The following IBA57 variants were observed in gnomAD, a reference collection of about 807,000 sequenced individuals.
The protein encoded by IBA57 is iron-sulfur cluster assembly factor IBA57.
A neutral mutation model predicts 20.4 loss-of-function variants in IBA57; 20 were observed. That is an observed-to-expected ratio of 0.98 (90% CI 0.69 to 1.42). IBA57 has a LOEUF of 1.42. Among genes scored for constraint, IBA57 ranks in the 40% most tolerant of loss-of-function variants. IBA57 has a pLI of 0.00. For missense variants in IBA57, 608 were observed against 499.3 expected (o/e 1.22, Z -2.07); for synonymous variants, 310 against 233.9 (o/e 1.33, Z -2.97).
rs2035005100 is a variant in IBA57, at chr1:228,175,567, G to A, written c.*54G>A. 1.3e-6 allele frequency: 2 copies of A among 1,515,558 alleles called. No homozygotes were observed. Among genetic ancestry groups the A allele is most frequent in the African/African-American group, 1.4e-5 (1 of 71,988 alleles). 93.9% of individuals were successfully genotyped at this position (1,515,558 alleles called of 1,614,324 possible). A position where few individuals can be genotyped will look rare whatever the true frequency, so the allele number is the denominator to read the frequency against. ...GGGGAGGCTGGGGCCTGGGGCCTTT[G>A]GCCTCTGTCCAGGGTCTTCCCGTCC... On this transcript the variant is annotated 3_prime_UTR_variant, in exon 3 of 3. Transcript: ENST00000366711.
In IBA57 at chr1:228,180,219, C is replaced by G. The variant is rs1461501615; in HGVS notation, c.*4706C>G. ...ACGCATTTTCATACCACGAAACTGC[C>G]CTCACTCCGGAGTTTGCTGCCAGCA... On this transcript the variant is annotated 3_prime_UTR_variant, in exon 3 of 3. Transcript: ENST00000366711. The G allele has an allele frequency of 6.6e-6, 1 of 151,314 alleles. No homozygotes were observed. The highest frequency in any genetic ancestry group is 1.5e-5 in the Non-Finnish European group (1 of 67,960). The allele number at this position is 151,314 out of a possible 1,614,324, so 9.4% of individuals were successfully genotyped here.
rs1436390082 is a variant in IBA57, at chr1:228,178,459, T to G, written c.*2946T>G. 6.6e-6 allele frequency: 1 copy of G among 151,332 alleles called. No individual in the cohort carries two copies. The highest frequency in any genetic ancestry group is 1.5e-5 in the Non-Finnish European group (1 of 68,034). The allele number at this position is 151,332 out of a possible 1,614,324, so 9.4% of individuals were successfully genotyped here. On this transcript the variant is annotated 3_prime_UTR_variant, in exon 3 of 3. Coordinates refer to ENST00000366711, the MANE Select transcript of IBA57 (RefSeq NM_001010867.4). ...AGCCAGGCATGGTGGTCCACACCTG[T>G]GGTCCCACCTATTCGGGAGGCTGAA...
intron 1 of IBA57, among the ~76,000 whole-genome samples, chr1:228,167,415 G>C (rs2034868428): frequency 6.7e-6 from 1 of 149,732 alleles, no homozygotes; most frequent in Non-Finnish European, 1.5e-5. Context: ...GGAGTGCAAT[G>C]GCACAATCTT....
rs2035078919 is a variant in IBA57, at chr1:228,179,797, ATATCT to A, written c.*4286_*4290del. The A allele has an allele frequency of 6.6e-6, 1 of 152,240 alleles. No homozygotes were observed. Among genetic ancestry groups the A allele is most frequent in the South Asian group, 2.1e-4 (1 of 4,832 alleles). 9.4% of individuals were successfully genotyped at this position (152,240 alleles called of 1,614,324 possible). A position where few individuals can be genotyped will look rare whatever the true frequency, so the allele number is the denominator to read the frequency against. On this transcript the variant is annotated 3_prime_UTR_variant, in exon 3 of 3. Coordinates refer to ENST00000366711, the MANE Select transcript of IBA57 (RefSeq NM_001010867.4). The stretch of plus-strand genomic sequence containing the variant: ...GTGGAAGCCAGAAAGATAGTAAATA[ATATCT>A]TCAAAGTCCTGGGAGAAAATAGTGA...
chr1:228,167,358 T>C (rs1316725149), intron 1 of IBA57, among the ~76,000 whole-genome samples: 4 of 89,014 alleles, frequency 4.5e-5, no homozygotes, highest in African/African-American at 1.6e-4. Flanking sequence ...GGGGCTTCTT[T>C]TTTTTTTTTT....
Position 228,170,385 on chromosome 1 carries a change from T to G in IBA57, c.341+4228T>G, listed in dbSNP as rs952505452. ...TCTCGCTCCATTGCCCAGGCTGGAG[T>G]GCAGTGGCACAGTTGTAGCTCACTG... On this transcript the variant is annotated intron_variant, in intron 1 of 2. Coordinates refer to ENST00000366711, the MANE Select transcript of IBA57 (RefSeq NM_001010867.4). This position sits in a 1 kb window ranked among gnomAD's most constrained non-coding sequence, Gnocchi z 4.8. Among the ~76,000 whole-genome samples the G allele has an allele frequency of 2.0e-5, 3 of 152,082 alleles. No homozygotes were observed. The highest frequency in any genetic ancestry group is 7.2e-5 in the African/African-American group (3 of 41,416).
At position 228,171,894 on chromosome 1, in the gene IBA57, C is replaced by G. The variant is rs189375973; in HGVS notation, c.342-2798C>G. ...ACATCTGTCCCTCTGCCCGGGTCCC[C>G]CACTCACCTGTGTTTTGGTCCATCT... On this transcript the variant is annotated intron_variant, in intron 1 of 2. Transcript: ENST00000366711. 1,079 of 152,538 alleles carry G rather than the reference C, an allele frequency of 7.1e-3. 5 individuals carry two copies. The highest frequency in any genetic ancestry group is 0.013 in the Middle Eastern group (4 of 298). 9.4% of individuals were successfully genotyped at this position (152,538 alleles called of 1,614,324 possible). A position where few individuals can be genotyped will look rare whatever the true frequency, so the allele number is the denominator to read the frequency against.
At position 228,175,475 on chromosome 1, in the gene IBA57, G is replaced by A. The variant is rs150912462; in HGVS notation, c.1033G>A (p.Ala345Thr). The A allele has an allele frequency of 3.1e-4, 491 of 1,595,602 alleles. No individual in the cohort carries two copies. The highest frequency in any genetic ancestry group is 3.9e-4 in the Non-Finnish European group (455 of 1,169,402). The change falls in exon 3 of 3, where the codon GCA (alanine) becomes ACA (threonine). Residue 345 changes from alanine (A) to threonine (T), a missense_variant. Ala to Thr is a moderately conservative substitution (Grantham distance 58, BLOSUM62 0). Transcript: ENST00000366711. ...TGAGGGTGCCCAGGTGGCCTTAGCC[G>A]CATCTGTGCCAGACTGGTGGCCTAC... is the stretch of plus-strand genomic sequence containing the variant. ...ASEGAQVALA[A>T]SVPDWWPTVS...
In IBA57 at chr1:228,178,787, A is replaced by G. The variant is rs926612993; in HGVS notation, c.*3274A>G. 3 of 152,288 alleles carry G rather than the reference A, an allele frequency of 2.0e-5. No individual in the cohort carries two copies. The highest frequency in any genetic ancestry group is 7.2e-5 in the African/African-American group (3 of 41,564). The allele number at this position is 152,288 out of a possible 1,614,324, so 9.4% of individuals were successfully genotyped here. ...CAAGCTCCCTGTTCTGTGTTCTTGT[A>G]TGAGGCGGTCAGTCAAGCGCAGCCC... On this transcript the variant is annotated 3_prime_UTR_variant, in exon 3 of 3. Transcript: ENST00000366711.
intron 1 of IBA57, among the ~76,000 whole-genome samples, chr1:228,169,356 C>G (rs2034894731): frequency 1.3e-5 from 2 of 152,170 alleles, no homozygotes; most frequent in South Asian, 4.1e-4. Flanking sequence ...TTCTTGTTTC[C>G]TGAATGTAGC....
Position 228,166,077 on chromosome 1 carries a change from G to C in IBA57, c.261G>C (p.Gly87=). The change falls in exon 1 of 3, where the codon GGG becomes GGC. Residue 87 remains glycine (G), a synonymous_variant. Coordinates refer to ENST00000366711, the MANE Select transcript of IBA57 (RefSeq NM_001010867.4). ...CGCTTCCGAGTCCTGCGGCCGCGGG[G>C]GCCCCGCCTGCTGCGCGCGCGGGCT... is the stretch of plus-strand genomic sequence containing the variant. ...ELPLPSPAAA[G]APPAARAGYA... is the part of the protein sequence containing the mutation. The C allele has an allele frequency of 2.0e-6, 3 of 1,537,256 alleles. No homozygotes were observed. The highest frequency in any genetic ancestry group is 2.8e-5 in the African/African-American group (2 of 71,630).
chr1:228,168,992 G>C (rs1187052972), intron 1 of IBA57, among the ~76,000 whole-genome samples: 1 of 152,192 alleles, frequency 6.6e-6, no homozygotes, highest in East Asian at 1.9e-4. Flanking sequence ...GGGGTGGTGG[G>C]TGACAGGTGT....
At chr1:228,166,734 A>C (rs1397977800) in intron 1 of IBA57, among the ~76,000 whole-genome samples, 4 of 152,208 alleles carry the variant, frequency 2.6e-5, no homozygotes, top group African/African-American at 7.2e-5. Context: ...AGTGATGTTC[A>C]TGCCGGGTCA....
intron 1 of IBA57, among the ~76,000 whole-genome samples, chr1:228,174,218 T>C (rs564486760): frequency 0.08 from 246 of 3,086 alleles, 2 homozygotes; most frequent in African/African-American, 0.24. Context: ...GCTGTGGGCG[T>C]GGCTCGCTGT....
intron 1 of IBA57, among the ~76,000 whole-genome samples, chr1:228,174,037 G>T (rs536644355): frequency 6.8e-4 from 104 of 152,336 alleles, no homozygotes; most frequent in African/African-American, 1.7e-3. Context: ...TGCTGTGGGC[G>T]CGGCACTCTG....
intron 1 of IBA57, among the ~76,000 whole-genome samples, chr1:228,166,693 C>T (rs973543247): frequency 2.8e-4 from 43 of 152,236 alleles, no homozygotes; most frequent in African/African-American, 9.2e-4. Context: ...TGGCATTTGG[C>T]TCAGTCATCT....
chr1:228,178,057 T>C lies in IBA57; in HGVS notation c.*2544T>C, dbSNP rs944769056. 6.6e-5 allele frequency: 10 copies of C among 152,206 alleles called. No individual in the cohort carries two copies. The highest frequency in any genetic ancestry group is 2.2e-4 in the African/African-American group (9 of 41,416). 9.4% of individuals were successfully genotyped at this position (152,206 alleles called of 1,614,324 possible). ...CAAGGCATAAGGTGCAGTTGTGTTA[T>C]GTGGGTATAGTGCATGGTGGTGCAG... is the stretch of plus-strand genomic sequence containing the variant. On this transcript the variant is annotated 3_prime_UTR_variant, in exon 3 of 3. Transcript: ENST00000366711.
intron 1 of IBA57, 69 bp from the exon 2 acceptor site, chr1:228,174,623 C>T: frequency 1.4e-6 from 2 of 1,391,142 alleles, no homozygotes; most frequent in Non-Finnish European, 1.9e-6. Flanking sequence ...AAGGCGCGCT[C>T]CCTCATGCAG....
At position 228,174,867 on chromosome 1, in the gene IBA57, G is replaced by T; in HGVS notation, c.517G>T (p.Ala173Ser). 6.2e-7 allele frequency: 1 copy of T among 1,609,520 alleles called. No individual in the cohort carries two copies. Among genetic ancestry groups the T allele is most frequent in the Non-Finnish European group, 8.5e-7 (1 of 1,179,054 alleles). Residue 173 changes from alanine (A) to serine (S), a missense_variant, in exon 2 of 3, where the codon GCA (alanine) becomes TCA (serine). Coordinates refer to ENST00000366711, the MANE Select transcript of IBA57 (RefSeq NM_001010867.4). Reference protein sequence around the residue: ...LPSSPEACGAASLQERAGAAA... With the variant: ...LPSSPEACGASSLQERAGAAA... ...CAGTTCCCCTGAGGCCTGCGGGGCT[G>T]CATCGCTGCAGGAGAGGGCAGGGGC... is the stretch of plus-strand genomic sequence containing the variant.
Sources: allele counts gnomAD v4.1 joint callset (sites outside exome capture counted in the v4.1 genomes callset), GRCh38; gene constraint gnomAD v4.1.1; non-coding constraint Gnocchi (gnomAD v3.1); transcripts MANE v1.5; gene names NCBI Gene and HGNC (gene_info 2026-07-23, HGNC 2026-07-21).